The following NALF1 variants were observed in gnomAD, a reference collection of about 807,000 sequenced individuals.
NALF1 encodes NALCN channel auxiliary factor 1, also known as family with sequence similarity 155 member A.
In NALF1, 3 loss-of-function variants were observed where a neutral mutation model predicts 48.4. The observed-to-expected ratio is 0.06, with a 90% CI of 0.03 to 0.16. NALF1 has a LOEUF of 0.16. Ranked by LOEUF, NALF1 falls within the 10% of genes least tolerant of loss-of-function variation. NALF1 has a pLI of 1.00. For synonymous variants in NALF1, 262 were observed against 245.7 expected, an observed-to-expected ratio of 1.07 and a Z score of -0.62; for missense variants, 526 against 571.5, an observed-to-expected ratio of 0.92 and a Z score of 0.81.
intron 2 of NALF1, among the ~76,000 whole-genome samples, chr13:107,194,056 C>CTA (rs994641593): frequency 4.8e-5 from 4 of 83,394 alleles, no homozygotes; most frequent in African/African-American, 1.2e-4. Context: ...ATCTATCTAT[C>CTA]TATATATCAA....
intron 1 of NALF1, among the ~76,000 whole-genome samples, chr13:107,770,229 A>G (rs181563056): frequency 1.3e-5 from 2 of 152,198 alleles, no homozygotes; most frequent in African/African-American, 4.8e-5. Context: ...TGTTTTTTAT[A>G]ATAATGATAA....
At chr13:107,814,733 T>C (rs1213963827) in intron 1 of NALF1, among the ~76,000 whole-genome samples, 2 of 152,064 alleles carry the variant, frequency 1.3e-5, no homozygotes, top group Non-Finnish European at 2.9e-5. Context: ...AAAACAATAA[T>C]TGGACATGGC....
intron 1 of NALF1, among the ~76,000 whole-genome samples, chr13:107,581,060 T>C (rs1439817614): frequency 6.6e-6 from 1 of 152,140 alleles, no homozygotes; most frequent in African/African-American, 2.4e-5. Flanking sequence ...CTGTGAAAAC[T>C]AAGACTAGGA....
rs373863133 is a variant in NALF1, at chr13:107,417,126, T to C, written c.916-206371A>G. Among the ~76,000 whole-genome samples the C allele has an allele frequency of 2.4e-4, 36 of 152,348 alleles. 1 individual carries two copies. The South Asian group carries it at 7.5e-3, about 32-fold the overall frequency. ...TGGATCTGGGACACAATGCATACTG[T>C]TGTTTAACTCTTTAAGTATTTTTCT... is the stretch of plus-strand genomic sequence containing the variant. On this transcript the variant is annotated intron_variant, in intron 1 of 2. Transcript: ENST00000375915.
intron 1 of NALF1, among the ~76,000 whole-genome samples, chr13:107,603,265 G>C (rs1878981577): frequency 1.3e-5 from 2 of 152,016 alleles, no homozygotes; most frequent in African/African-American, 4.8e-5. Context: ...GTGACTTTTG[G>C]ACTCATGACT....
chr13:107,758,672 GAT>G, intron 1 of NALF1, among the ~76,000 whole-genome samples: 1 of 152,084 alleles, frequency 6.6e-6, no homozygotes, highest in Non-Finnish European at 1.5e-5. Flanking sequence ...AGTGAGCCGA[GAT>G]AGCGCCACTG....
chr13:107,214,438 A>T (rs150604563), intron 1 of NALF1, among the ~76,000 whole-genome samples: 1 of 152,302 alleles, frequency 6.6e-6, no homozygotes, highest in Admixed American at 6.5e-5. Flanking sequence ...TCTATGTGTC[A>T]CTGCAGAGTA....
At chr13:107,319,023 C>T (rs1882203277) in intron 1 of NALF1, among the ~76,000 whole-genome samples, 1 of 152,010 alleles carries the variant, frequency 6.6e-6, no homozygotes, top group Non-Finnish European at 1.5e-5. Context: ...GGTTAAGCAG[C>T]AGAGTTCAAG....
rs184066601 is a variant in NALF1 at position 107,752,487 on chromosome 13, A to G, written c.915+113195T>C. Reference sequence around the variant, plus strand: ...TTGACAGATAAATGGATAGAACAAAATATGGTGTGGGTGTGTGTGTAATGG... The same window carrying G: ...TTGACAGATAAATGGATAGAACAAAGTATGGTGTGGGTGTGTGTGTAATGG... On this transcript the variant is annotated intron_variant, in intron 1 of 2. Coordinates refer to ENST00000375915, the MANE Select transcript of NALF1 (RefSeq NM_001080396.3). 3.6e-3 allele frequency among the ~76,000 whole-genome samples: 545 copies of G among 152,294 alleles called. 1 individual carries two copies. The highest frequency in any genetic ancestry group is 5.9e-3 in the Non-Finnish European group (402 of 67,992).
intron 1 of NALF1, among the ~76,000 whole-genome samples, chr13:107,353,034 C>A (rs570499091): frequency 6.6e-6 from 1 of 152,092 alleles, no homozygotes; most frequent in Non-Finnish European, 1.5e-5. Context: ...ACGAGACAAC[C>A]TTTGTACCCA....
intron 1 of NALF1, among the ~76,000 whole-genome samples, chr13:107,602,918 A>G (rs1409885149): frequency 6.6e-6 from 1 of 152,202 alleles, no homozygotes. Flanking sequence ...TTTTGTGGCA[A>G]ATCTTTCTCT....
At chr13:107,240,731 T>C (rs1880449451) in intron 1 of NALF1, among the ~76,000 whole-genome samples, 1 of 152,138 alleles carries the variant, frequency 6.6e-6, no homozygotes, top group Non-Finnish European at 1.5e-5. Context: ...TTGGTCAGTA[T>C]GTTTGAGTGT....
chr13:107,755,322 TCTC>T (rs964166236), intron 1 of NALF1, among the ~76,000 whole-genome samples: 6 of 151,982 alleles, frequency 3.9e-5, no homozygotes, highest in African/African-American at 1.4e-4. Context: ...TAGCTGCACT[TCTC>T]CTCTATTTCT....
At position 107,836,885 on chromosome 13, in the gene NALF1, C is replaced by T. The variant is rs17447825; in HGVS notation, c.915+28797G>A. Among the ~76,000 whole-genome samples the T allele has an allele frequency of 7.0e-3, 1,064 of 152,216 alleles. 5 individuals carry two copies. The highest frequency in any genetic ancestry group is 0.037 in the Middle Eastern group (11 of 294). ...CCCATCAATCTCAACTTAGCATTTA[C>T]GTGACGAACAATGGGAGGCAGATAG... is the stretch of plus-strand genomic sequence containing the variant. On this transcript the variant is annotated intron_variant, in intron 1 of 2. Coordinates refer to ENST00000375915, the MANE Select transcript of NALF1 (RefSeq NM_001080396.3).
At chr13:107,538,877 T>C (rs1165536147) in intron 1 of NALF1, among the ~76,000 whole-genome samples, 1 of 152,178 alleles carries the variant, frequency 6.6e-6, no homozygotes, top group Non-Finnish European at 1.5e-5. Flanking sequence ...ATGGTCAATA[T>C]AGCTTAGCTT....
chr13:107,228,659 G>T (rs561181403), intron 1 of NALF1, among the ~76,000 whole-genome samples: 1 of 152,208 alleles, frequency 6.6e-6, no homozygotes, highest in South Asian at 2.1e-4. Flanking sequence ...TCGCTCTGTT[G>T]CCTAGGGTGG....
intron 1 of NALF1, among the ~76,000 whole-genome samples, chr13:107,256,921 T>C (rs1880828147): frequency 6.6e-6 from 1 of 152,196 alleles, no homozygotes; most frequent in African/African-American, 2.4e-5. Flanking sequence ...TCTGTTGTTG[T>C]ATTAGTCTGT....
intron 1 of NALF1, among the ~76,000 whole-genome samples, chr13:107,399,406 G>C (rs948162404): frequency 1.3e-5 from 2 of 151,860 alleles, no homozygotes; most frequent in African/African-American, 4.8e-5. Flanking sequence ...AACCTATACT[G>C]TACTTTCCTA....
chr13:107,783,238 TG>T (rs1420869355), intron 1 of NALF1, among the ~76,000 whole-genome samples: 5 of 37,500 alleles, frequency 1.3e-4, no homozygotes, highest in East Asian at 3.3e-3. Context: ...GGGAGGGAGG[TG>T]GGGGGGTCAG....
Sources: gnomAD v4.1 joint callset for allele counts (sites outside exome capture counted in the v4.1 genomes callset) on GRCh38, gnomAD v4.1.1 for gene constraint, MANE v1.5 for transcripts, NCBI Gene and HGNC (gene_info 2026-07-23, HGNC 2026-07-21) for gene names.